The following IL4I1 variants were observed in gnomAD, a reference collection of about 807,000 sequenced individuals.
IL4I1 encodes the protein interleukin 4 induced 1.
Under a neutral mutation model 29.7 loss-of-function variants are expected in IL4I1, and 24 were observed. The ratio of observed to expected loss-of-function variants is 0.81; its 90% CI spans 0.59 to 1.14. The LOEUF (loss-of-function observed/expected upper bound fraction) is 1.14, where lower values mean the gene tolerates loss of function less well. IL4I1 is among the 50% of genes most tolerant of loss of function. IL4I1 has a pLI of 0.00. For missense variants in IL4I1, 686 were observed against 785.6 expected, an observed-to-expected ratio of 0.87 and a Z score of 1.52; for synonymous variants, 371 against 352.5, an observed-to-expected ratio of 1.05 and a Z score of -0.59.
At chr19:49,906,216 G>A (rs369408375) in intron 2 of IL4I1, among the ~76,000 whole-genome samples, 1 of 151,966 alleles carries the variant, frequency 6.6e-6, no homozygotes, top group African/African-American at 2.4e-5. Flanking sequence ...TAACATGTGT[G>A]TATATTTTTT....
chr19:49,895,023 G>A, intron 4 of IL4I1, 45 bp downstream of exon 4: 2 of 1,445,068 alleles, frequency 1.4e-6, no homozygotes, highest in Non-Finnish European at 9.7e-7. Flanking sequence ...GGAGCTGGGG[G>A]GCTAGTTGAG....
At chr19:49,909,085 G>A in intron 2 of IL4I1, 1 of 1,612,612 alleles carries the variant, frequency 6.2e-7, no homozygotes, top group Non-Finnish European at 8.5e-7. Context: ...TGGTCACAGG[G>A]GTACAGAGGG....
At chr19:49,925,612 G>A (rs2122767923) in intron 2 of IL4I1, among the ~76,000 whole-genome samples, 1 of 152,294 alleles carries the variant, frequency 6.6e-6, no homozygotes, top group African/African-American at 2.4e-5. Flanking sequence ...ACCAGTCACA[G>A]GCCAGAGGAG....
intron 2 of IL4I1, among the ~76,000 whole-genome samples, chr19:49,927,033 G>T (rs761386940): frequency 1.8e-4 from 28 of 151,954 alleles, no homozygotes; most frequent in Admixed American, 5.2e-4. Context: ...CTATTTTTTT[G>T]TATTTTTGGT....
At chr19:49,900,098 G>C (rs2075258566), upstream of IL4I1, among the ~76,000 whole-genome samples, 1 of 151,926 alleles carries the variant, frequency 6.6e-6, no homozygotes, top group Non-Finnish European at 1.5e-5. Flanking sequence ...TGGCCTCCCA[G>C]AGTGCTGGGA....
intron 2 of IL4I1, among the ~76,000 whole-genome samples, chr19:49,920,280 G>A (rs2075733324): frequency 6.6e-6 from 1 of 152,112 alleles, no homozygotes; most frequent in Non-Finnish European, 1.5e-5. Context: ...ACGGGGTTTC[G>A]CCATGTTGGC....
At chr19:49,924,894 C>T (rs1423733384) in intron 2 of IL4I1, among the ~76,000 whole-genome samples, 1 of 152,172 alleles carries the variant, frequency 6.6e-6, no homozygotes, top group African/African-American at 2.4e-5. Flanking sequence ...AGTCCCTGCC[C>T]AGACACCTCT....
At chr19:49,893,084 G>A (rs2075159778) in intron 5 of IL4I1, among the ~76,000 whole-genome samples, 1 of 152,182 alleles carries the variant, frequency 6.6e-6, no homozygotes. Context: ...ATTTCTTAGA[G>A]GAGAAAAGAG....
At chr19:49,906,545 A>T (rs1462837783) in intron 2 of IL4I1, among the ~76,000 whole-genome samples, 3 of 152,202 alleles carry the variant, frequency 2.0e-5, no homozygotes, top group Admixed American at 2.0e-4. Context: ...TAACTGTCAC[A>T]AAACACCTGG....
intron 2 of IL4I1, among the ~76,000 whole-genome samples, chr19:49,912,243 C>A (rs535214357): frequency 4.8e-5 from 7 of 146,122 alleles, no homozygotes; most frequent in South Asian, 2.2e-4. Context: ...GATCTCGGCT[C>A]ACTGCAACCT....
intron 2 of IL4I1, chr19:49,908,040 G>T: frequency 8.3e-7 from 1 of 1,199,118 alleles, no homozygotes; most frequent in Non-Finnish European, 1.1e-6. Flanking sequence ...ACACCCATGA[G>T]GCTGCTGCCT....
Position 49,889,952 on chromosome 19 carries a change from G to C in IL4I1, c.1422C>G (p.Gly474=), listed in dbSNP as rs756340364. Residue 474 remains glycine, a synonymous_variant, in exon 8 of 8, where the codon GGC becomes GGG. Coordinates refer to ENST00000391826, the MANE Select transcript of IL4I1 (RefSeq NM_152899.2). ...TGTGCTCGCCGGCAAAGTAGATGCG[G>C]CCATAAGGGACCGTCCAGTCATCCT... is the stretch of plus-strand genomic sequence containing the variant. The part of the protein sequence containing the change: ...TEKDDWTVPY[G]RIYFAGEHTA... 1.2e-5 allele frequency: 19 copies of C among 1,595,370 alleles called. No homozygotes were observed. In the South Asian group the frequency reaches 1.9e-4, roughly 16 times the overall value.
chr19:49,904,146 G>A (rs938924870), intron 3 of IL4I1: 1 of 151,962 alleles, frequency 6.6e-6, no homozygotes, highest in Admixed American at 6.6e-5. Context: ...GCCCCCATTT[G>A]CCACTCTTAT....
intron 2 of IL4I1, among the ~76,000 whole-genome samples, chr19:49,914,726 G>GTTTTGTTTTTTTTT (rs2075575701): frequency 1.8e-5 from 1 of 56,364 alleles, no homozygotes; most frequent in Admixed American, 2.8e-4. Flanking sequence ...CCAAGTCCCA[G>GTTTTGTTTTTTTTT]TTTTTTTTTT....
intron 2 of IL4I1, among the ~76,000 whole-genome samples, chr19:49,904,994 G>A (rs922640664): frequency 6.6e-5 from 10 of 152,276 alleles, no homozygotes; most frequent in African/African-American, 2.2e-4. Context: ...ACAGGCATGA[G>A]CCACCGTGCC....
intron 7 of IL4I1, 83 bp downstream of exon 7, chr19:49,890,888 G>A: frequency 8.5e-7 from 1 of 1,173,134 alleles, no homozygotes; most frequent in Non-Finnish European, 1.2e-6. Flanking sequence ...CCCGCCCCCA[G>A]ACCCAGAGGC....
intron 2 of IL4I1, among the ~76,000 whole-genome samples, chr19:49,920,432 T>C (rs536116622): frequency 3.0e-4 from 46 of 152,328 alleles, no homozygotes; most frequent in African/African-American, 1.1e-3. Context: ...ACTGTGGTGA[T>C]GGCTGCACAA....
At chr19:49,905,916 A>G (rs986582793) in intron 2 of IL4I1, among the ~76,000 whole-genome samples, 25 of 151,740 alleles carry the variant, frequency 1.6e-4, no homozygotes, top group African/African-American at 5.6e-4. Context: ...CCAAGGAAAT[A>G]ATGACTCATG....
At chr19:49,900,794 G>C (rs2075264347), upstream of IL4I1, among the ~76,000 whole-genome samples, 1 of 152,204 alleles carries the variant, frequency 6.6e-6, no homozygotes, top group South Asian at 2.1e-4. Flanking sequence ...CTGGTTTTTT[G>C]ATGGAGTTTC....
Sources: gnomAD v4.1 joint callset for allele counts (sites outside exome capture counted in the v4.1 genomes callset) on GRCh38, gnomAD v4.1.1 for gene constraint, MANE v1.5 for transcripts, NCBI Gene and HGNC (gene_info 2026-07-23, HGNC 2026-07-21) for gene names.